The following ADGRV1 variants were observed in gnomAD, a reference collection of about 807,000 sequenced individuals.
ADGRV1 encodes the protein adhesion G protein-coupled receptor V1.
A neutral mutation model predicts 596.2 loss-of-function variants in ADGRV1; 359 were observed. The observed-to-expected ratio is 0.60, with a 90% confidence interval of 0.55 to 0.66. ADGRV1 has a LOEUF of 0.66. Among genes scored for constraint, ADGRV1 ranks in the 30% least tolerant of loss-of-function variants. The probability of loss-of-function intolerance (pLI) is 0.00; values close to 1 mark genes in which losing one functional copy is unlikely to be tolerated. For synonymous variants in ADGRV1, 2,681 were observed against 2,679.2 expected, an observed-to-expected ratio of 1.00 and a Z score of -0.02; for missense variants, 7,274 against 7,575.6, an observed-to-expected ratio of 0.96 and a Z score of 1.48.
intron 1 of ADGRV1, among the ~76,000 whole-genome samples, chr5:90,605,156 T>C (rs1382531549): frequency 6.6e-6 from 1 of 152,092 alleles, no homozygotes; most frequent in African/African-American, 2.4e-5. Flanking sequence ...TAAAAGACTT[T>C]ATGTAACCCC....
intron 59 of ADGRV1, among the ~76,000 whole-genome samples, chr5:90,770,093 T>G (rs1312688043): frequency 6.6e-6 from 1 of 152,196 alleles, no homozygotes; most frequent in Non-Finnish European, 1.5e-5. Flanking sequence ...TACTCAAGAC[T>G]GGGTAATTTA....
At chr5:90,968,376 A>G (rs896112808) in intron 84 of ADGRV1, among the ~76,000 whole-genome samples, 2 of 152,252 alleles carry the variant, frequency 1.3e-5, no homozygotes, top group African/African-American at 4.8e-5. Context: ...AGACAAAATC[A>G]TATATAAGAT....
intron 48 of ADGRV1, 111 bp downstream of exon 48, chr5:90,725,767 T>G (rs1299446879): frequency 1.5e-6 from 1 of 652,300 alleles, no homozygotes; most frequent in African/African-American, 1.9e-5. Context: ...AAAACCAAAA[T>G]TTGATTGTGG....
chr5:91,019,698 G>A (rs1480836624), intron 85 of ADGRV1, among the ~76,000 whole-genome samples: 3 of 151,904 alleles, frequency 2.0e-5, no homozygotes, highest in South Asian at 2.1e-4. Flanking sequence ...TGGGATTTCG[G>A]TGATAGATGT....
At chr5:90,670,134 A>G (rs1386176939) in intron 21 of ADGRV1, among the ~76,000 whole-genome samples, 1 of 152,162 alleles carries the variant, frequency 6.6e-6, no homozygotes, top group African/African-American at 2.4e-5. Context: ...ATGCATTTCT[A>G]GGATATTTAT....
At chr5:90,712,508 GAA>G in intron 42 of ADGRV1, 80 bp downstream of exon 42, 1 of 1,057,372 alleles carries the variant, frequency 9.5e-7, no homozygotes, top group South Asian at 1.7e-5. Flanking sequence ...AAAGGAATGA[GAA>G]AGTCTTGGTG....
intron 42 of ADGRV1, among the ~76,000 whole-genome samples, chr5:90,713,444 G>T (rs1191004997): frequency 6.6e-6 from 1 of 151,050 alleles, no homozygotes; most frequent in African/African-American, 2.4e-5. Flanking sequence ...GTAAAGCGTT[G>T]TATGAATGAA....
intron 1 of ADGRV1, among the ~76,000 whole-genome samples, chr5:90,576,657 T>A (rs1211760049): frequency 6.6e-6 from 1 of 152,210 alleles, no homozygotes; most frequent in African/African-American, 2.4e-5. Context: ...TCAAATGGTA[T>A]TTCTTGTTCT....
At chr5:91,118,807 T>A (rs1793066078) in intron 87 of ADGRV1, among the ~76,000 whole-genome samples, 2 of 152,082 alleles carry the variant, frequency 1.3e-5, no homozygotes, top group African/African-American at 4.8e-5. Flanking sequence ...ATCTAATCCT[T>A]AAGGCATAGA....
At chr5:91,023,602 C>T (rs1344798801) in intron 85 of ADGRV1, among the ~76,000 whole-genome samples, 4 of 152,052 alleles carry the variant, frequency 2.6e-5, no homozygotes, top group African/African-American at 7.2e-5. Flanking sequence ...TTTGGAAATA[C>T]ACCATATCCC....
At chr5:90,704,095 T>C (rs1174102336) in intron 35 of ADGRV1, among the ~76,000 whole-genome samples, 1 of 152,216 alleles carries the variant, frequency 6.6e-6, no homozygotes, top group Non-Finnish European at 1.5e-5. Context: ...ACCATTGTTG[T>C]AGAAACCTCT....
chr5:90,824,594 G>A (rs772787856), intron 76 of ADGRV1, among the ~76,000 whole-genome samples: 15 of 152,122 alleles, frequency 9.9e-5, no homozygotes, highest in Non-Finnish European at 1.9e-4. Flanking sequence ...AAAACTTTCT[G>A]TCACACTGAC....
intron 85 of ADGRV1, among the ~76,000 whole-genome samples, chr5:91,039,603 A>G (rs542726879): frequency 4.6e-5 from 7 of 152,346 alleles, no homozygotes; most frequent in Admixed American, 6.5e-5. Flanking sequence ...ATAAAGATGG[A>G]TGGGCATGCA....
intron 87 of ADGRV1, among the ~76,000 whole-genome samples, chr5:91,143,896 G>A (rs1323606713): frequency 6.6e-6 from 1 of 152,168 alleles, no homozygotes; most frequent in Non-Finnish European, 1.5e-5. Flanking sequence ...CATGTTCATT[G>A]GCATTCTAAG....
Position 90,729,779 on chromosome 5 carries a change from A to G in ADGRV1, c.10549+15A>G, listed in dbSNP as rs898210286. Reference sequence around the variant, plus strand: ...CTCAGGAATAGGTAAGGACTTTTCAACTGCTCACCAATTCTAAAGGTAGTA... The same window carrying G: ...CTCAGGAATAGGTAAGGACTTTTCAGCTGCTCACCAATTCTAAAGGTAGTA... On this transcript the variant is annotated intron_variant, in intron 50 of 89. Transcript: ENST00000405460. The G allele has an allele frequency of 6.2e-7, 1 of 1,611,986 alleles. No individual in the cohort carries two copies.
intron 9 of ADGRV1, among the ~76,000 whole-genome samples, chr5:90,631,948 G>A (rs1023913647): frequency 7.2e-5 from 11 of 152,168 alleles, no homozygotes; most frequent in Non-Finnish European, 1.2e-4. Flanking sequence ...ATATGGAAGT[G>A]CATATTGATT....
chr5:90,791,954 A>T (rs930401042), intron 70 of ADGRV1: 1 of 152,376 alleles, frequency 6.6e-6, no homozygotes, highest in African/African-American at 2.4e-5. Context: ...TGAACCACAG[A>T]AAGTGATTGA....
rs1762333324 is a variant in ADGRV1 at position 90,810,432 on chromosome 5, G to T, written c.15172G>T (p.Val5058Phe). 4 of 1,613,892 alleles carry T rather than the reference G, an allele frequency of 2.5e-6. No homozygotes were observed. Among genetic ancestry groups the T allele is most frequent in the Non-Finnish European group, 3.4e-6 (4 of 1,179,808 alleles). The part of the protein sequence containing the change: ...SAKPLEDFEP[V>F]QNGELFFQKF... Reference sequence around the variant, plus strand: ...CAAGCCACTGGAAGATTTTGAGCCTGTTCAGAATGGGGAACTGTTTTTTCA... The same window carrying T: ...CAAGCCACTGGAAGATTTTGAGCCTTTTCAGAATGGGGAACTGTTTTTTCA... Residue 5058 changes from valine (V) to phenylalanine (F), a missense_variant, in exon 74 of 90, where the codon GTT becomes TTT. Val to Phe is a conservative substitution (Grantham distance 50). Coordinates refer to ENST00000405460, the MANE Select transcript of ADGRV1 (RefSeq NM_032119.4).
At chr5:91,151,831 A>G (rs1348402154) in intron 88 of ADGRV1, among the ~76,000 whole-genome samples, 2 of 152,248 alleles carry the variant, frequency 1.3e-5, no homozygotes, top group Non-Finnish European at 2.9e-5. Flanking sequence ...GTATCAGTGC[A>G]GAAAGTTTTA....
Sources: gnomAD v4.1 joint callset for allele counts (sites outside exome capture counted in the v4.1 genomes callset) on GRCh38, gnomAD v4.1.1 for gene constraint, MANE v1.5 for transcripts, NCBI Gene and HGNC (gene_info 2026-07-23, HGNC 2026-07-21) for gene names.